Variants in NLRC3 observed in about 807,000 individuals in gnomAD.
NLRC3 encodes NLR family CARD domain-containing protein 3.
NLRC3 carries 87 observed loss-of-function variants against 91.6 expected under a neutral mutation model. The ratio of observed to expected loss-of-function variants is 0.95; its 90% CI spans 0.80 to 1.14. NLRC3 has a LOEUF of 1.14. NLRC3 is among the 50% of genes most tolerant of loss of function. NLRC3 has a pLI of 0.00. For missense variants in NLRC3, 1,577 were observed against 1,418.6 expected (o/e 1.11, Z -1.79); for synonymous variants, 694 against 625.3 (o/e 1.11, Z -1.64).
intron 7 of NLRC3, 96 bp downstream of exon 7, chr16:3,557,497 C>G (rs2039399387): frequency 1.4e-6 from 1 of 722,330 alleles, no homozygotes; most frequent in Non-Finnish European, 2.4e-6. Context: ...CAGGTAAGAC[C>G]CAAGTCATTT....
At chr16:3,543,073 C>G (rs112645167) in intron 17 of NLRC3, 15 of 496,388 alleles carry the variant, frequency 3.0e-5, no homozygotes, top group African/African-American at 2.3e-4. Flanking sequence ...GGGCAGGTCC[C>G]CAGTGCTCCC....
At chr16:3,547,689 A>T (rs1292445116) in intron 15 of NLRC3, among the ~76,000 whole-genome samples, 1 of 151,234 alleles carries the variant, frequency 6.6e-6, no homozygotes, top group East Asian at 1.9e-4. Context: ...TATATTTTTT[A>T]ACAGGGTCTC....
At chr16:3,555,518 T>A (rs973161291) in intron 8 of NLRC3, among the ~76,000 whole-genome samples, 3 of 152,156 alleles carry the variant, frequency 2.0e-5, no homozygotes, top group African/African-American at 7.2e-5. Context: ...ACAGATGTGA[T>A]GGTGGCACAA....
chr16:3,562,950 C>A, intron 5 of NLRC3, 59 bp downstream of exon 5: 1 of 1,435,302 alleles, frequency 7.0e-7, no homozygotes, highest in Non-Finnish European at 9.5e-7. Context: ...GGGGAGGGGA[C>A]GGCTTCTGCT....
At chr16:3,549,419 T>C (rs771324711) in intron 12 of NLRC3, among the ~76,000 whole-genome samples, 194 bp from the exon 13 acceptor site, 5 of 152,096 alleles carry the variant, frequency 3.3e-5, no homozygotes, top group Non-Finnish European at 7.4e-5. Context: ...GCCCCCACTT[T>C]AGGACCATCC....
At chr16:3,544,420 G>T in intron 15 of NLRC3, 91 bp from the exon 16 acceptor site, 1 of 834,326 alleles carries the variant, frequency 1.2e-6, no homozygotes, top group Non-Finnish European at 2.0e-6. Flanking sequence ...AGGTTTAACC[G>T]ACTACACACA....
chr16:3,544,411 G>C (rs1460944710), intron 15 of NLRC3, 82 bp from the exon 16 acceptor site: 1 of 929,442 alleles, frequency 1.1e-6, no homozygotes, highest in African/African-American at 1.6e-5. Context: ...GGACCTGCCA[G>C]GTTTAACCGA....
At chr16:3,574,389 T>A (rs1350590221) in intron 1 of NLRC3, among the ~76,000 whole-genome samples, 1 of 152,008 alleles carries the variant, frequency 6.6e-6, no homozygotes, top group Non-Finnish European at 1.5e-5. Flanking sequence ...TTTAAGCTCC[T>A]CCGGTGGTTC....
chr16:3,555,090 T>C (rs1183821030), intron 8 of NLRC3, among the ~76,000 whole-genome samples: 5 of 151,692 alleles, frequency 3.3e-5, no homozygotes, highest in Non-Finnish European at 5.9e-5. Context: ...ATTAGCTGGG[T>C]GTGGTGGCAC....
chr16:3,573,182 C>T (rs2040159988), intron 1 of NLRC3, among the ~76,000 whole-genome samples: 1 of 151,796 alleles, frequency 6.6e-6, no homozygotes, highest in South Asian at 2.1e-4. Flanking sequence ...CTTTAGGAGG[C>T]CAAGGTGGGT....
At chr16:3,558,383 G>A (rs2039450630) in intron 6 of NLRC3, among the ~76,000 whole-genome samples, 1 of 151,940 alleles carries the variant, frequency 6.6e-6, no homozygotes, top group African/African-American at 2.4e-5. Flanking sequence ...TGTAGTATCT[G>A]CCACTTTCCA....
chr16:3,544,453 C>G (rs1451780242), intron 15 of NLRC3, 124 bp from the exon 16 acceptor site: 2 of 668,748 alleles, frequency 3.0e-6, no homozygotes, highest in Non-Finnish European at 5.4e-6. Context: ...CCAGGGTTTC[C>G]TGGGGATAAC....
intron 6 of NLRC3, among the ~76,000 whole-genome samples, chr16:3,559,796 C>T (rs971328148): frequency 2.0e-5 from 3 of 151,870 alleles, no homozygotes; most frequent in East Asian, 1.9e-4. Context: ...CCACCACCAC[C>T]ACGACTGGCT....
In NLRC3 at chr16:3,544,283, G is replaced by A. The variant is rs375071775; in HGVS notation, c.2818C>T (p.Arg940Cys). ...IGDDGACAVA[R>C]ALKVNTALTA... Reference sequence around the variant, plus strand: ...AGGGCTGTGTTGACCTTCAGTGCACGGGCCACCGCACACGCTCCGTCATCC... The same window carrying A: ...AGGGCTGTGTTGACCTTCAGTGCACAGGCCACCGCACACGCTCCGTCATCC... The change falls in exon 16 of 20, where the codon CGT (arginine) becomes TGT (cysteine). Residue 940 changes from arginine (R) to cysteine (C), a missense_variant. Transcript: ENST00000359128. 27 of 1,613,098 alleles carry A rather than the reference G, an allele frequency of 1.7e-5. No individual in the cohort carries two copies. The highest frequency in any genetic ancestry group is 4.5e-5 in the East Asian group (2 of 44,888).
rs1321997132 is a variant in NLRC3 at position 3,541,795 on chromosome 16, C to G, written c.*30G>C. ...TGTTCAAAAGCTTCCAGCTGAGCAT[C>G]TGCCCATTCTCCTGATCCGTCCACC... On this transcript the variant is annotated 3_prime_UTR_variant, in exon 20 of 20. Coordinates refer to ENST00000359128, the MANE Select transcript of NLRC3 (RefSeq NM_178844.4). 2 of 1,466,002 alleles carry G rather than the reference C, an allele frequency of 1.4e-6. No individual in the cohort carries two copies. The highest frequency in any genetic ancestry group is 1.9e-6 in the Non-Finnish European group (2 of 1,049,874). The allele number at this position is 1,466,002 out of a possible 1,614,324, so 90.8% of individuals were successfully genotyped here.
At chr16:3,542,889 A>G in intron 17 of NLRC3, 114 bp from the exon 18 acceptor site, 1 of 682,220 alleles carries the variant, frequency 1.5e-6, no homozygotes, top group Non-Finnish European at 2.6e-6. Context: ...TTCAGCAGTC[A>G]CAGGAGGCCA....
intron 15 of NLRC3, 35 bp downstream of exon 15, chr16:3,548,100 C>T (rs779952818): frequency 1.4e-6 from 2 of 1,437,970 alleles, no homozygotes; most frequent in Admixed American, 2.0e-5. Flanking sequence ...TCCTCAACAG[C>T]CCCCGCCCTG....
chr16:3,572,148 A>G (rs2040119534), intron 1 of NLRC3, among the ~76,000 whole-genome samples: 1 of 152,186 alleles, frequency 6.6e-6, no homozygotes, highest in African/African-American at 2.4e-5. Flanking sequence ...CAGATAATTC[A>G]TAGAAGTATA....
chr16:3,545,337 CTG>C (rs2038637537), intron 15 of NLRC3: 2 of 151,758 alleles, frequency 1.3e-5, no homozygotes, highest in African/African-American at 2.4e-5. Flanking sequence ...ACAGGGTTCT[CTG>C]TCTCTACTAA....
Sources: gnomAD v4.1 joint callset for allele counts (sites outside exome capture counted in the v4.1 genomes callset) on GRCh38, gnomAD v4.1.1 for gene constraint, MANE v1.5 for transcripts, NCBI Gene and HGNC (gene_info 2026-07-23, HGNC 2026-07-21) for gene names.